The following ADAMTS6 variants were observed in gnomAD, a reference collection of about 807,000 sequenced individuals.
ADAMTS6 encodes the protein A disintegrin and metalloproteinase with thrombospondin motifs 6.
ADAMTS6 carries 23 observed loss-of-function variants against 144.3 expected under a neutral mutation model. The observed-to-expected ratio is 0.16, with a 90% CI of 0.11 to 0.23. The LOEUF is 0.23. Among genes scored for constraint, ADAMTS6 ranks in the 10% least tolerant of loss-of-function variants. The pLI, the probability that ADAMTS6 is intolerant of heterozygous loss-of-function variation, is 1.00. For synonymous variants in ADAMTS6, 444 were observed against 457.5 expected, an observed-to-expected ratio of 0.97 and a Z score of 0.38; for missense variants, 999 against 1,379.6, an observed-to-expected ratio of 0.72 and a Z score of 4.37.
intron 7 of ADAMTS6, among the ~76,000 whole-genome samples, chr5:65,359,669 A>G (rs1295670374): frequency 1.5e-4 from 23 of 152,210 alleles, no homozygotes. Flanking sequence ...ACACAATGAA[A>G]TACTATTCAG....
chr5:65,294,085 T>C (rs1257730812), intron 10 of ADAMTS6, among the ~76,000 whole-genome samples: 1 of 152,212 alleles, frequency 6.6e-6, no homozygotes, highest in Non-Finnish European at 1.5e-5. Context: ...ATCTGCAAGG[T>C]GGATTTAAAT....
At chr5:65,182,091 A>G (rs995728377) in intron 22 of ADAMTS6, among the ~76,000 whole-genome samples, 1 of 152,288 alleles carries the variant, frequency 6.6e-6, no homozygotes, top group Non-Finnish European at 1.5e-5. Context: ...CAATTCATTC[A>G]TCTCCATCTG....
At chr5:65,206,473 G>A (rs576716599) in intron 20 of ADAMTS6, among the ~76,000 whole-genome samples, 28 of 152,222 alleles carry the variant, frequency 1.8e-4, no homozygotes, top group African/African-American at 6.3e-4. Context: ...GCTGAGGCAG[G>A]TGGATTGCCT....
chr5:65,418,650 C>T lies in ADAMTS6; in HGVS notation c.1073+32825G>A, dbSNP rs556863203. Among the ~76,000 whole-genome samples the T allele has an allele frequency of 1.1e-4, 16 of 152,178 alleles. 1 individual carries two copies. The highest frequency in any genetic ancestry group is 3.9e-4 in the African/African-American group (16 of 41,526). The stretch of plus-strand genomic sequence containing the variant: ...TGGAAGAAAATATTTGCAAACTATG[C>T]ATCCAAGACAGGTCTAATATCCAGA... On this transcript the variant is annotated intron_variant, in intron 7 of 24. Coordinates refer to ENST00000381055, the MANE Select transcript of ADAMTS6 (RefSeq NM_197941.4).
At chr5:65,255,759 T>C (rs530119666) in intron 14 of ADAMTS6, among the ~76,000 whole-genome samples, 2 of 152,136 alleles carry the variant, frequency 1.3e-5, no homozygotes, top group African/African-American at 4.8e-5. Context: ...AAAAAAAAAA[T>C]CTTACTGAGC....
intron 7 of ADAMTS6, among the ~76,000 whole-genome samples, chr5:65,382,940 T>C (rs1752164271): frequency 6.6e-6 from 1 of 152,198 alleles, no homozygotes; most frequent in African/African-American, 2.4e-5. Flanking sequence ...AGATTCTACG[T>C]CTGGTGAAAG....
chr5:65,410,000 A>T (rs561255128), intron 7 of ADAMTS6, among the ~76,000 whole-genome samples: 1 of 152,332 alleles, frequency 6.6e-6, no homozygotes, highest in South Asian at 2.1e-4. Flanking sequence ...TAGAAAGAAA[A>T]AACACAGTAT....
intron 8 of ADAMTS6, among the ~76,000 whole-genome samples, chr5:65,331,402 T>C (rs894354090): frequency 6.6e-6 from 1 of 152,084 alleles, no homozygotes. Context: ...GATTTACTTC[T>C]GCCATCTTAT....
intron 1 of ADAMTS6, among the ~76,000 whole-genome samples, chr5:65,480,792 C>T (rs528675684): frequency 6.6e-6 from 1 of 152,170 alleles, no homozygotes; most frequent in Admixed American, 6.5e-5. Flanking sequence ...CAAAAACACA[C>T]GTTTCCATCT....
intron 7 of ADAMTS6, among the ~76,000 whole-genome samples, chr5:65,381,172 G>C (rs1752002437): frequency 6.6e-6 from 1 of 151,780 alleles, no homozygotes; most frequent in African/African-American, 2.4e-5. Context: ...CTCTCTCTTT[G>C]TCTCTCTCTC....
chr5:65,402,045 T>C (rs1206602715), intron 7 of ADAMTS6, among the ~76,000 whole-genome samples: 5 of 152,144 alleles, frequency 3.3e-5, no homozygotes, highest in African/African-American at 1.2e-4. Flanking sequence ...GCCTTAGCTA[T>C]CTACTTCCGT....
intron 12 of ADAMTS6, among the ~76,000 whole-genome samples, chr5:65,264,864 A>G (rs1324062856): frequency 6.6e-6 from 1 of 152,152 alleles, no homozygotes; most frequent in East Asian, 1.9e-4. Flanking sequence ...TAATTGGCAC[A>G]TAGTATGTAT....
intron 9 of ADAMTS6, among the ~76,000 whole-genome samples, chr5:65,319,796 G>C (rs951222589): frequency 1.4e-5 from 2 of 147,522 alleles, no homozygotes; most frequent in African/African-American, 5.0e-5. Context: ...AAGAGAGGAA[G>C]GAAATGAGCA....
intron 1 of ADAMTS6, among the ~76,000 whole-genome samples, chr5:65,475,327 C>T (rs575961478): frequency 6.6e-6 from 1 of 152,262 alleles, no homozygotes; most frequent in South Asian, 2.1e-4. Flanking sequence ...TATTAAACTG[C>T]TAAGCCTTGG....
chr5:65,262,851 C>T lies in ADAMTS6; in HGVS notation c.1732G>A (p.Val578Ile), dbSNP rs773328567. The change falls in exon 13 of 25, where the codon GTC (valine) becomes ATC (isoleucine). Residue 578 changes from valine (V) to isoleucine (I), a missense_variant. Val to Ile is a conservative substitution (Grantham distance 29). Coordinates refer to ENST00000381055, the MANE Select transcript of ADAMTS6 (RefSeq NM_197941.4). ...TCACAGTGTCTTAGGGATGAGGAGACGCCTCCCCCGCAGGTCCTGCTGCAC... is the reference window on the plus strand; with the variant it reads ...TCACAGTGTCTTAGGGATGAGGAGATGCCTCCCCCGCAGGTCCTGCTGCAC... ...GECSRTCGGG[V>I]SSSLRHCDSP... 14 of 1,571,404 alleles carry T rather than the reference C, an allele frequency of 8.9e-6. No homozygotes were observed. The highest frequency in any genetic ancestry group is 2.4e-5 in the South Asian group (2 of 84,270).
intron 7 of ADAMTS6, among the ~76,000 whole-genome samples, chr5:65,371,795 G>A (rs766580015): frequency 6.6e-6 from 1 of 152,128 alleles, no homozygotes; most frequent in Non-Finnish European, 1.5e-5. Flanking sequence ...TCCTCGAGAA[G>A]AGCAACTCCC....
chr5:65,261,683 G>A (rs1278623305), intron 13 of ADAMTS6, among the ~76,000 whole-genome samples: 2 of 152,042 alleles, frequency 1.3e-5, no homozygotes, highest in African/African-American at 4.8e-5. Flanking sequence ...GAAATGGGTT[G>A]GTCAGACAAA....
At chr5:65,415,011 C>T (rs901939174) in intron 7 of ADAMTS6, among the ~76,000 whole-genome samples, 9 of 152,126 alleles carry the variant, frequency 5.9e-5, no homozygotes, top group Non-Finnish European at 1.3e-4. Context: ...TAAAACCTTT[C>T]ACGCTTCAAA....
intron 7 of ADAMTS6, among the ~76,000 whole-genome samples, chr5:65,365,488 A>T (rs1750220162): frequency 6.6e-6 from 1 of 151,990 alleles, no homozygotes; most frequent in African/African-American, 2.4e-5. Flanking sequence ...TCTACTAAAA[A>T]CACAAAAAAT....
Sources: gnomAD v4.1 joint callset for allele counts (sites outside exome capture counted in the v4.1 genomes callset) on GRCh38, gnomAD v4.1.1 for gene constraint, MANE v1.5 for transcripts, NCBI Gene and HGNC (gene_info 2026-07-23, HGNC 2026-07-21) for gene names.